The following HSPG2 variants were observed in gnomAD, a reference collection of about 807,000 sequenced individuals.
HSPG2 encodes basement membrane-specific heparan sulfate proteoglycan core protein.
HSPG2 carries 278 observed loss-of-function variants against 526.6 expected under a neutral mutation model. The ratio of observed to expected loss-of-function variants is 0.53; its 90% confidence interval spans 0.48 to 0.58. The LOEUF (loss-of-function observed/expected upper bound fraction) is 0.58. Among genes scored for constraint, HSPG2 ranks in the 20% least tolerant of loss-of-function variants. The probability of loss-of-function intolerance (pLI) is 0.00; values close to 1 mark genes in which losing one functional copy is unlikely to be tolerated. For missense variants in HSPG2, 5,354 were observed against 6,099.5 expected (o/e 0.88, Z 4.07); for synonymous variants, 2,465 against 2,555.4 (o/e 0.96, Z 1.07).
chr1:21,860,764 C>T (rs1639725995), intron 39 of HSPG2, among the ~76,000 whole-genome samples: 1 of 152,204 alleles, frequency 6.6e-6, no homozygotes, highest in South Asian at 2.1e-4. Flanking sequence ...GGATTATAGG[C>T]ATGAGCCACC....
chr1:21,876,362 T>C lies in HSPG2; in HGVS notation c.2870A>G (p.Asn957Ser). Reference protein sequence around the residue: ...SEEPGHFSLTNAASTHTTNEG... With the variant: ...SEEPGHFSLTSAASTHTTNEG... ...GTTGGTGGTGTGGGTGCTTGCGGCG[T>C]TGGTCAGGCTGAAGTGACCAGGCTC... The change falls in exon 23 of 97, where the codon AAC becomes AGC. Residue 957 changes from asparagine (N) to serine (S), a missense_variant. Transcript: ENST00000374695. The C allele has an allele frequency of 6.2e-7, 1 of 1,613,172 alleles. No homozygotes were observed. The highest frequency in any genetic ancestry group is 1.3e-5 in the African/African-American group (1 of 75,016).
At position 21,848,116 on chromosome 1, in the gene HSPG2, G is replaced by C; in HGVS notation, c.7738-23C>G. 6.4e-7 allele frequency: 1 copy of C among 1,563,478 alleles called. No homozygotes were observed. Among genetic ancestry groups the C allele is most frequent in the Non-Finnish European group, 8.7e-7 (1 of 1,155,144 alleles). On this transcript the variant is annotated intron_variant, in intron 59 of 96. Coordinates refer to ENST00000374695, the MANE Select transcript of HSPG2 (RefSeq NM_005529.7). The surrounding 1 kb of genome is among the most constrained non-coding windows in gnomAD (Gnocchi z 4.9). The stretch of plus-strand genomic sequence containing the variant: ...GATCTGCAGGAAGCAGATGGCAGGA[G>C]GTATGGCAGTAGGTGTGGGCAGCTC...
intron 1 of HSPG2, among the ~76,000 whole-genome samples, chr1:21,915,187 G>C (rs1198360081): frequency 1.4e-5 from 1 of 69,312 alleles, no homozygotes; most frequent in East Asian, 5.4e-4. Flanking sequence ...GGGCGCGTTA[G>C]AGCGGGCAGG....
intron 1 of HSPG2, among the ~76,000 whole-genome samples, chr1:21,905,171 C>CCACA (rs759299090): frequency 1.6e-3 from 135 of 81,882 alleles, no homozygotes; most frequent in East Asian, 0.011. Flanking sequence ...CACCACCCAC[C>CCACA]CACACACACA....
At chr1:21,936,075 A>G (rs938115130) in intron 1 of HSPG2, among the ~76,000 whole-genome samples, 1 of 152,096 alleles carries the variant, frequency 6.6e-6, no homozygotes, top group Non-Finnish European at 1.5e-5. Flanking sequence ...TGGCTCAGAG[A>G]ACAGGGAGGC....
intron 26 of HSPG2, 78 bp downstream of exon 26, chr1:21,874,813 G>T: frequency 6.6e-7 from 1 of 1,507,580 alleles, no homozygotes; most frequent in South Asian, 1.2e-5. Context: ...GGCTGGGGAG[G>T]TGTGGAGGGC....
At chr1:21,832,851 G>T (rs1268619986) in intron 80 of HSPG2, 15 of 588,588 alleles carry the variant, frequency 2.5e-5, no homozygotes, top group Non-Finnish European at 4.2e-5. Flanking sequence ...CTCCCTCAAG[G>T]GGGAGAGGGA....
In HSPG2 at chr1:21,937,278, C is replaced by CTCCG; in HGVS notation, c.-62_-61insCGGA. 1 of 605,984 alleles carries CTCCG rather than the reference C, an allele frequency of 1.7e-6. No homozygotes were observed. Among genetic ancestry groups the CTCCG allele is most frequent in the Non-Finnish European group, 2.1e-6 (1 of 486,566 alleles). The allele number at this position is 605,984 out of a possible 1,614,324, so 37.5% of individuals were successfully genotyped here. A position where few individuals can be genotyped will look rare whatever the true frequency, so the allele number is the denominator to read the frequency against. ...CGCGCCGCCCGCTCCGCGCCGCCCG[C>CTCCG]AGCCGCCCGCTCGCCGGCCAGCTCG... On this transcript the variant is annotated 5_prime_UTR_variant, in exon 1 of 97. Transcript: ENST00000374695.
intron 44 of HSPG2, among the ~76,000 whole-genome samples, chr1:21,856,500 C>A (rs1639349515): frequency 6.6e-6 from 1 of 150,694 alleles, no homozygotes; most frequent in Non-Finnish European, 1.5e-5. Flanking sequence ...TCACTGCAAC[C>A]TAAGCCTCCC....
chr1:21,855,598 C>G lies in HSPG2; in HGVS notation c.5779G>C (p.Asp1927His). 1.3e-6 allele frequency: 2 copies of G among 1,585,708 alleles called. No individual in the cohort carries two copies. Among genetic ancestry groups the G allele is most frequent in the Non-Finnish European group, 1.7e-6 (2 of 1,168,168 alleles). ...GCTCGGCACAAGTACTGGGCCTGAT[C>G]CGTGGGCTCGACAGCTGGCAGGCGC... The part of the protein sequence containing the change: ...ILRLPAVEPT[D>H]QAQYLCRAHS... The change falls in exon 46 of 97, where the codon GAT becomes CAT. Residue 1927 changes from aspartate (D) to histidine (H), a missense_variant. Transcript: ENST00000374695.
In HSPG2 at chr1:21,873,000, GCACTGGCACTGACCAGCAGCATCA is replaced by G; in HGVS notation, c.3861_3884del (p.Asp1288_Cys1295del). On this transcript the variant is annotated inframe_deletion, in exon 31 of 97. Transcript: ENST00000374695. The surrounding 1 kb of genome is among the most constrained non-coding windows in gnomAD (Gnocchi z 5.5). Reference sequence around the variant, plus strand: ...AGGGACAGGGATTCGGACTGACCTTGCACTGGCACTGACCAGCAGCATCACACTGGCTGCTGACGCTGCCTTGGG... The same window carrying G: ...AGGGACAGGGATTCGGACTGACCTTGCACTGGCTGCTGACGCTGCCTTGGG... The G allele has an allele frequency of 6.2e-7, 1 of 1,610,764 alleles. No individual in the cohort carries two copies. Among genetic ancestry groups the G allele is most frequent in the Non-Finnish European group, 8.5e-7 (1 of 1,179,562 alleles).
rs758438185 is a variant in HSPG2, at chr1:21,838,859, G to A, written c.10116C>T (p.Gly3372=). The A allele has an allele frequency of 3.1e-6, 5 of 1,612,654 alleles. No individual in the cohort carries two copies. The highest frequency in any genetic ancestry group is 4.2e-6 in the Non-Finnish European group (5 of 1,179,724). ...GCAGCTGGGCAAAGGCCTCGGCTGA[G>A]CCCACCTTGTTGGTGACCCGGCAGC... ...RYRCRVTNKV[G]SAEAFAQLLV... The change falls in exon 74 of 97, where the codon GGC becomes GGT. Residue 3372 remains glycine (G), a synonymous_variant. Coordinates refer to ENST00000374695, the MANE Select transcript of HSPG2 (RefSeq NM_005529.7).
intron 1 of HSPG2, among the ~76,000 whole-genome samples, chr1:21,927,541 C>CA (rs760295761): frequency 4.8e-4 from 71 of 147,242 alleles, no homozygotes; most frequent in Admixed American, 1.6e-3. Context: ...CCACCCCCCC[C>CA]ACTGTCACTA....
At position 21,895,779 on chromosome 1, in the gene HSPG2, A is replaced by G; in HGVS notation, c.244+143T>C. 2.6e-6 allele frequency: 2 copies of G among 781,674 alleles called. No individual in the cohort carries two copies. The highest frequency in any genetic ancestry group is 4.5e-6 in the Non-Finnish European group (2 of 448,010). The allele number at this position is 781,674 out of a possible 1,614,324, so 48.4% of individuals were successfully genotyped here. On this transcript the variant is annotated intron_variant, in intron 3 of 96. Coordinates refer to ENST00000374695, the MANE Select transcript of HSPG2 (RefSeq NM_005529.7). This position sits in a 1 kb window ranked among gnomAD's most constrained non-coding sequence, Gnocchi z 4.1. The stretch of plus-strand genomic sequence containing the variant: ...CTGCCAATCAGTCTGCACAACTGTC[A>G]CTCAGCAGGTTAAGAGATCACACCC...
chr1:21,848,230 C>T lies in HSPG2; in HGVS notation c.7738-137G>A. 1 of 1,039,512 alleles carries T rather than the reference C, an allele frequency of 9.6e-7. No homozygotes were observed. The highest frequency in any genetic ancestry group is 1.4e-6 in the Non-Finnish European group (1 of 698,512). The allele number at this position is 1,039,512 out of a possible 1,614,324, so 64.4% of individuals were successfully genotyped here. A position where few individuals can be genotyped will look rare whatever the true frequency, so the allele number is the denominator to read the frequency against. On this transcript the variant is annotated intron_variant, in intron 59 of 96. Coordinates refer to ENST00000374695, the MANE Select transcript of HSPG2 (RefSeq NM_005529.7). This position sits in a 1 kb window ranked among gnomAD's most constrained non-coding sequence, Gnocchi z 4.9. ...TCAGTGGCCTTCGTGAAGCTCCCAG[C>T]ATGGCATGTGGCCTGTCTCTGGGCT...
chr1:21,875,942 T>C lies in HSPG2; in HGVS notation c.3104A>G (p.Asn1035Ser), dbSNP rs1340149053. ...HGQPLVVLQG[N>S]NIILEHHVAQ... is the part of the protein sequence containing the mutation. ...CACATGGTGCTCTAGGATGATGTTG[T>C]TACCTTGCAGCACCACCAACGGCTG... Residue 1035 changes from asparagine to serine, a missense_variant, in exon 24 of 97, where the codon AAC becomes AGC. Coordinates refer to ENST00000374695, the MANE Select transcript of HSPG2 (RefSeq NM_005529.7). The C allele has an allele frequency of 1.2e-6, 2 of 1,614,030 alleles. No homozygotes were observed. Among genetic ancestry groups the C allele is most frequent in the Non-Finnish European group, 1.7e-6 (2 of 1,180,018 alleles).
chr1:21,824,488 G>C lies in HSPG2; in HGVS notation c.12744+49C>G. On this transcript the variant is annotated intron_variant, in intron 93 of 96. Transcript: ENST00000374695. This position sits in a 1 kb window ranked among gnomAD's most constrained non-coding sequence, Gnocchi z 5.9. Reference sequence around the variant, plus strand: ...CACCACTCCGGCCACCAGGAAGCCAGCTTCCTGCCCCAGGAGCCCCAAGAG... The same window carrying C: ...CACCACTCCGGCCACCAGGAAGCCACCTTCCTGCCCCAGGAGCCCCAAGAG... The C allele has an allele frequency of 1.9e-6, 3 of 1,607,680 alleles. No homozygotes were observed. Among genetic ancestry groups the C allele is most frequent in the Non-Finnish European group, 2.6e-6 (3 of 1,176,434 alleles).
chr1:21,880,267 G>A lies in HSPG2; in HGVS notation c.2196-13C>T, dbSNP rs747638140. The stretch of plus-strand genomic sequence containing the variant: ...GCCAATGGGGCATCTGTGGGGACAG[G>A]ACCAAAAGAGTCGCTGCAAGGACGG... On this transcript the variant is annotated splice_polypyrimidine_tract_variant and intron_variant, in intron 16 of 96. Transcript: ENST00000374695. 8 of 1,614,102 alleles carry A rather than the reference G, an allele frequency of 5.0e-6. No homozygotes were observed. Among genetic ancestry groups the A allele is most frequent in the Middle Eastern group, 3.3e-4 (2 of 6,062 alleles).
rs777390811 is a variant in HSPG2 at position 21,873,396 on chromosome 1, T to C, written c.3772A>G (p.Ser1258Gly). ...RCAPGYYGNPSQGQPCQRDSQ... is the reference protein window; with the variant it reads ...RCAPGYYGNPGQGQPCQRDSQ... ...TCACTCTGGCATGGCTGGCCCTGGC[T>C]GGGGTTGCCATAGTAGCCAGGGGCG... is the stretch of plus-strand genomic sequence containing the variant. Residue 1258 changes from serine (S) to glycine (G), a missense_variant, in exon 30 of 97, where the codon AGC (serine) becomes GGC (glycine). By Grantham distance (56) the Ser-to-Gly change is moderately conservative. Transcript: ENST00000374695. 3 of 1,614,006 alleles carry C rather than the reference T, an allele frequency of 1.9e-6. No homozygotes were observed. The highest frequency in any genetic ancestry group is 1.7e-5 in the Admixed American group (1 of 60,004).
Sources: allele counts gnomAD v4.1 joint callset (sites outside exome capture counted in the v4.1 genomes callset), GRCh38; gene constraint gnomAD v4.1.1; non-coding constraint Gnocchi (gnomAD v3.1); transcripts MANE v1.5; gene names NCBI Gene and HGNC (gene_info 2026-07-23, HGNC 2026-07-21).